Variants in RBM19 observed in about 807,000 individuals in gnomAD.
RBM19 encodes the protein RNA binding motif protein 19.
RBM19 carries 94 observed loss-of-function variants against 116.8 expected under a neutral mutation model. That is an observed-to-expected ratio of 0.80 (90% CI 0.68 to 0.95). The LOEUF is 0.95. RBM19 is among the 40% of genes least tolerant of loss of function. The probability of loss-of-function intolerance (pLI) is 0.00; values close to 1 mark genes in which losing one functional copy is unlikely to be tolerated. For synonymous variants in RBM19, 475 were observed against 494.1 expected, an observed-to-expected ratio of 0.96 and a Z score of 0.51; for missense variants, 1,161 against 1,220.7, an observed-to-expected ratio of 0.95 and a Z score of 0.73.
chr12:113,918,381 T>C lies in RBM19; in HGVS notation c.2441+11A>G. 7 of 1,614,148 alleles carry C rather than the reference T, an allele frequency of 4.3e-6. No individual in the cohort carries two copies. The highest frequency in any genetic ancestry group is 5.9e-6 in the Non-Finnish European group (7 of 1,179,960). On this transcript the variant is annotated intron_variant, in intron 20 of 23. Coordinates refer to ENST00000261741, the MANE Select transcript of RBM19 (RefSeq NM_016196.4). ...CTCGTAGGAAAGGAAATGAGGACAC[T>C]GAAGACTCACTTAGTGGCTCGTTCC...
At chr12:113,932,224 T>C (rs768128202) in intron 16 of RBM19, among the ~76,000 whole-genome samples, 1 of 152,122 alleles carries the variant, frequency 6.6e-6, no homozygotes, top group Non-Finnish European at 1.5e-5. Context: ...CTTCTTTCCA[T>C]CTAAAAAGGG....
At chr12:113,828,807 CTCCCTGGCT>C (rs1875107732) in intron 23 of RBM19, among the ~76,000 whole-genome samples, 1 of 152,140 alleles carries the variant, frequency 6.6e-6, no homozygotes, top group African/African-American at 2.4e-5. Context: ...TCTCCCTGTC[CTCCCTGGCT>C]TCATATCTTG....
chr12:113,883,525 C>G (rs760166458), intron 21 of RBM19, among the ~76,000 whole-genome samples: 4 of 152,374 alleles, frequency 2.6e-5, no homozygotes, highest in South Asian at 4.1e-4. Flanking sequence ...ATAGGGCAGA[C>G]TGACTGACTC....
intron 21 of RBM19, among the ~76,000 whole-genome samples, chr12:113,896,189 A>G (rs1285213090): frequency 6.6e-6 from 1 of 152,212 alleles, no homozygotes; most frequent in Non-Finnish European, 1.5e-5. Context: ...GGTAGCTAGA[A>G]TGAGGATGGA....
At chr12:113,866,961 A>T (rs577448416) in intron 21 of RBM19, among the ~76,000 whole-genome samples, 22 of 152,358 alleles carry the variant, frequency 1.4e-4, no homozygotes, top group Non-Finnish European at 2.9e-4. Flanking sequence ...CACGTCCTAC[A>T]TTTGGGCTCC....
At chr12:113,937,612 T>A (rs1311309878) in intron 15 of RBM19, among the ~76,000 whole-genome samples, 1 of 152,088 alleles carries the variant, frequency 6.6e-6, no homozygotes, top group African/African-American at 2.4e-5. Flanking sequence ...GTTATTTTTT[T>A]AAAAGGATAG....
intron 5 of RBM19, 83 bp from the exon 6 acceptor site, chr12:113,958,133 A>G: frequency 1.3e-6 from 2 of 1,524,842 alleles, no homozygotes; most frequent in East Asian, 4.5e-5. Context: ...TGGTCCTCCT[A>G]GTGAGAGGCC....
chr12:113,907,122 G>A (rs978285234), intron 21 of RBM19, among the ~76,000 whole-genome samples: 1 of 151,026 alleles, frequency 6.6e-6, no homozygotes, highest in Admixed American at 6.6e-5. Context: ...GAGAATACAT[G>A]TCTGCTGTTT....
At chr12:113,860,031 G>A (rs768736484) in intron 21 of RBM19, among the ~76,000 whole-genome samples, 1 of 152,210 alleles carries the variant, frequency 6.6e-6, no homozygotes, top group Admixed American at 6.5e-5. Context: ...GTGTGTAAAT[G>A]CGGCATTATG....
downstream of RBM19, among the ~76,000 whole-genome samples, chr12:113,820,317 C>T (rs151255521): frequency 2.9e-3 from 442 of 150,900 alleles, 1 homozygote; most frequent in Non-Finnish European, 4.8e-3. Flanking sequence ...AAAGCCCAAG[C>T]TTGGGTTGGA....
intron 22 of RBM19, among the ~76,000 whole-genome samples, chr12:113,847,237 A>G (rs1483378655): frequency 1.3e-5 from 2 of 152,252 alleles, no homozygotes; most frequent in Non-Finnish European, 2.9e-5. Context: ...GGTGACTAGA[A>G]CATGCATCTT....
downstream of RBM19, among the ~76,000 whole-genome samples, chr12:113,818,344 T>G (rs1327139410): frequency 6.6e-6 from 1 of 152,130 alleles, no homozygotes. Flanking sequence ...GGCTTGAACT[T>G]TGGTTCTGTG....
chr12:113,861,871 C>G (rs1003923437), intron 21 of RBM19, among the ~76,000 whole-genome samples: 1 of 152,048 alleles, frequency 6.6e-6, no homozygotes, highest in Admixed American at 6.5e-5. Flanking sequence ...AGCTGAAGGG[C>G]CTTGGGGGAG....
At chr12:113,958,771 C>T (rs564826536) in intron 5 of RBM19, among the ~76,000 whole-genome samples, 1 of 152,288 alleles carries the variant, frequency 6.6e-6, no homozygotes. Context: ...CTTCTGAGGA[C>T]AAAGGCTCAC....
intron 20 of RBM19, among the ~76,000 whole-genome samples, chr12:113,918,130 TA>T (rs1291871624): frequency 1.4e-4 from 18 of 127,028 alleles, no homozygotes; most frequent in Admixed American, 3.2e-4. Flanking sequence ...CTTTTCTTAT[TA>T]AAAAAAAAAA....
rs373391530 is a variant in RBM19 at position 113,927,191 on chromosome 12, C to T, written c.2107G>A (p.Glu703Lys). The change falls in exon 17 of 24, where the codon GAG (glutamate) becomes AAG (lysine). Residue 703 changes from glutamate to lysine, a missense_variant. Glu to Lys is a moderately conservative substitution (Grantham distance 56, BLOSUM62 1). Coordinates refer to ENST00000261741, the MANE Select transcript of RBM19 (RefSeq NM_016196.4). Reference protein sequence around the residue: ...GETPEDENPTEEGADNSSAKM... With the variant: ...GETPEDENPTKEGADNSSAKM... ...GCTGAAGAGTTGTCTGCTCCTTCCT[C>T]TGTTGGATTTTCATCTTCTGGGGTT... The T allele has an allele frequency of 7.6e-6, 12 of 1,579,752 alleles. No individual in the cohort carries two copies. Among genetic ancestry groups the T allele is most frequent in the Non-Finnish European group, 1.0e-5 (12 of 1,162,030 alleles).
intron 23 of RBM19, among the ~76,000 whole-genome samples, chr12:113,824,521 C>A (rs373818362): frequency 2.8e-4 from 42 of 152,228 alleles, no homozygotes; most frequent in African/African-American, 9.9e-4. Flanking sequence ...TGTAAAGAGG[C>A]TGTCCAAATC....
intron 14 of RBM19, among the ~76,000 whole-genome samples, chr12:113,941,307 TAG>T (rs5801018): frequency 0.16 from 24,926 of 152,018 alleles, 2,768 homozygotes; most frequent in African/African-American, 0.32. Context: ...GTGTTACAGT[TAG>T]AGAGACAGAC....
At chr12:113,927,342 C>G (rs1869179624) in intron 16 of RBM19, 113 bp from the exon 17 acceptor site, 2 of 1,339,820 alleles carry the variant, frequency 1.5e-6, no homozygotes. Context: ...TAAAGGGGTT[C>G]TGCCTCTGCG....
Sources: gnomAD v4.1 joint callset for allele counts (sites outside exome capture counted in the v4.1 genomes callset) on GRCh38, gnomAD v4.1.1 for gene constraint, MANE v1.5 for transcripts, NCBI Gene and HGNC (gene_info 2026-07-23, HGNC 2026-07-21) for gene names.